Variants in ZNF783 observed in about 807,000 individuals in gnomAD.
ZNF783 encodes the protein protein ZNF783.
Under a neutral mutation model 31.3 loss-of-function variants are expected in ZNF783, and 25 were observed. The ratio of observed to expected loss-of-function variants is 0.80; its 90% CI spans 0.58 to 1.11. The LOEUF is 1.11. Among genes scored for constraint, ZNF783 ranks in the 50% most tolerant of loss-of-function variants. The pLI, the probability that ZNF783 is intolerant of heterozygous loss-of-function variation, is 0.00. For synonymous variants in ZNF783, 369 were observed against 319.1 expected, an observed-to-expected ratio of 1.16 and a Z score of -1.66; for missense variants, 797 against 760.0, an observed-to-expected ratio of 1.05 and a Z score of -0.57.
At chr7:149,273,039 T>C (rs1289173208) in intron 4 of ZNF783, among the ~76,000 whole-genome samples, 1 of 152,246 alleles carries the variant, frequency 6.6e-6, no homozygotes, top group Admixed American at 6.5e-5. Flanking sequence ...CTTAACATGA[T>C]GTCCTCCAGT....
intron 4 of ZNF783, among the ~76,000 whole-genome samples, chr7:149,268,403 A>G (rs1051091797): frequency 4.6e-5 from 7 of 152,196 alleles, no homozygotes; most frequent in Non-Finnish European, 7.3e-5. Context: ...CAATCCCCCC[A>G]GTCTTTTTCA....
At chr7:149,268,101 C>G (rs1797127369) in intron 4 of ZNF783, among the ~76,000 whole-genome samples, 1 of 152,152 alleles carries the variant, frequency 6.6e-6, no homozygotes, top group Non-Finnish European at 1.5e-5. Flanking sequence ...AGTAGAATAG[C>G]ACAGCGAATC....
At chr7:149,276,958 C>T (rs1000032478) in intron 4 of ZNF783, among the ~76,000 whole-genome samples, 2 of 152,084 alleles carry the variant, frequency 1.3e-5, no homozygotes, top group Admixed American at 6.6e-5. Flanking sequence ...ATGCCATTCT[C>T]CTGCCTCAGC....
intron 4 of ZNF783, among the ~76,000 whole-genome samples, chr7:149,276,851 A>G (rs1192991691): frequency 6.7e-6 from 1 of 148,724 alleles, no homozygotes; most frequent in East Asian, 2.0e-4. Flanking sequence ...GTGGTTATTT[A>G]TTTATTTTTT....
chr7:149,278,326 C>T, intron 4 of ZNF783, 73 bp from the exon 5 acceptor site: 3 of 1,582,660 alleles, frequency 1.9e-6, no homozygotes, highest in Admixed American at 1.7e-5. Flanking sequence ...TCTGCCTTTC[C>T]CCAGAGGGTC....
intron 4 of ZNF783, among the ~76,000 whole-genome samples, chr7:149,269,255 C>T (rs1198272161): frequency 2.0e-5 from 3 of 152,184 alleles, no homozygotes; most frequent in Admixed American, 1.3e-4. Flanking sequence ...TAAGAAATGT[C>T]TGTTCATGTC....
At chr7:149,273,874 A>G (rs1797265833) in intron 4 of ZNF783, among the ~76,000 whole-genome samples, 1 of 152,150 alleles carries the variant, frequency 6.6e-6, no homozygotes, top group Non-Finnish European at 1.5e-5. Flanking sequence ...ATATCTATTC[A>G]GATCTTTTGC....
At chr7:149,275,339 G>A (rs573845024) in intron 4 of ZNF783, among the ~76,000 whole-genome samples, 6 of 149,792 alleles carry the variant, frequency 4.0e-5, no homozygotes, top group African/African-American at 1.5e-4. Context: ...TTTAGACGGA[G>A]TTTCGCTCTG....
At chr7:149,279,267 G>A (rs1294498103) in intron 5 of ZNF783, among the ~76,000 whole-genome samples, 6 of 152,228 alleles carry the variant, frequency 3.9e-5, no homozygotes, top group Non-Finnish European at 5.9e-5. Flanking sequence ...TTGGAGAGAT[G>A]GGACCCTCTT....
chr7:149,278,250 T>C, intron 4 of ZNF783, 149 bp from the exon 5 acceptor site: 1 of 1,431,796 alleles, frequency 7.0e-7, no homozygotes, highest in South Asian at 1.5e-5. Context: ...AGCTGCCAGG[T>C]ATTTGGTGGG....
In ZNF783 at chr7:149,267,163, G is replaced by A. The variant is rs115295014; in HGVS notation, c.614G>A (p.Arg205Gln). The part of the protein sequence containing the change: ...IERGEEPCLD[R>Q]WGQEKGNEVE... ...AGGGGAGAGGAGCCTTGTCTTGACC[G>A]GTGGGGCCAGGAGAAGGGGAATGAA... The change falls in exon 4 of 6, where the codon CGG (arginine) becomes CAG (glutamine). Residue 205 changes from arginine (R) to glutamine (Q), a missense_variant. By Grantham distance (43) the Arg-to-Gln change is conservative. Coordinates refer to ENST00000434415, the MANE Select transcript of ZNF783 (RefSeq NM_001195220.2). The A allele has an allele frequency of 6.7e-4, 1,071 of 1,599,380 alleles. 8 individuals carry two copies. In the African/African-American group the frequency reaches 0.013, roughly 19 times the overall value.
Position 149,262,247 on chromosome 7 carries a change from G to A in ZNF783, c.-87G>A, listed in dbSNP as rs1057246017. On this transcript the variant is annotated 5_prime_UTR_variant, in exon 1 of 6. Coordinates refer to ENST00000434415, the MANE Select transcript of ZNF783 (RefSeq NM_001195220.2). ...GTAGCTCTCAGGTTAGGCGGGTCCC[G>A]CTCCGCTTCCGCCGTCGCTGCCGCG... 9.7e-6 allele frequency: 12 copies of A among 1,237,728 alleles called. No individual in the cohort carries two copies. In the East Asian group the frequency reaches 2.1e-4, roughly 21 times the overall value. 76.7% of individuals were successfully genotyped at this position (1,237,728 alleles called of 1,614,324 possible).
intron 1 of ZNF783, among the ~76,000 whole-genome samples, chr7:149,264,505 T>C (rs999086669): frequency 1.3e-5 from 2 of 152,148 alleles, no homozygotes; most frequent in South Asian, 2.1e-4. Context: ...CTAGATCTTA[T>C]GCCAGGTACA....
chr7:149,278,170 G>A (rs1797377048), intron 4 of ZNF783: 1 of 1,318,814 alleles, frequency 7.6e-7, no homozygotes, highest in South Asian at 1.7e-5. Flanking sequence ...TCATTACCGT[G>A]ATTTCCTGTC....
At chr7:149,267,308 G>A in intron 4 of ZNF783, 86 bp downstream of exon 4, 1 of 1,495,428 alleles carries the variant, frequency 6.7e-7, no homozygotes, top group Non-Finnish European at 8.8e-7. Context: ...CAGACAATCA[G>A]GGAGGGCAGG....
At chr7:149,281,442 C>A in intron 5 of ZNF783, 63 bp from the exon 6 acceptor site, 2 of 1,378,676 alleles carry the variant, frequency 1.5e-6, no homozygotes, top group Non-Finnish European at 9.4e-7. Context: ...AGGACTGGGC[C>A]GAGTGACCTG....
At position 149,283,540 on chromosome 7, in the gene ZNF783, G is replaced by C. The variant is rs935201857; in HGVS notation, c.*1197G>C. 2 of 152,184 alleles carry C rather than the reference G, an allele frequency of 1.3e-5. No individual in the cohort carries two copies. The highest frequency in any genetic ancestry group is 2.9e-5 in the Non-Finnish European group (2 of 68,042). The allele number at this position is 152,184 out of a possible 1,614,324, so 9.4% of individuals were successfully genotyped here. A position where few individuals can be genotyped will look rare whatever the true frequency, so the allele number is the denominator to read the frequency against. The stretch of plus-strand genomic sequence containing the variant: ...GAGGGGCAGTGCAGAGAGAGCCCAG[G>C]AAGCCCCTCCACTAGAGGAGGCCCT... On this transcript the variant is annotated 3_prime_UTR_variant, in exon 6 of 6. Transcript: ENST00000434415.
intron 4 of ZNF783, among the ~76,000 whole-genome samples, chr7:149,268,613 T>G (rs536535758): frequency 6.6e-6 from 1 of 152,356 alleles, no homozygotes; most frequent in African/African-American, 2.4e-5. Context: ...CCCTTCCCCC[T>G]GTAGTAGTCC....
At chr7:149,273,637 G>A (rs1425451307) in intron 4 of ZNF783, among the ~76,000 whole-genome samples, 2 of 151,826 alleles carry the variant, frequency 1.3e-5, no homozygotes, top group Non-Finnish European at 2.9e-5. Context: ...CCGATTTCCT[G>A]GGTTCAAGCC....
Sources: allele counts gnomAD v4.1 joint callset (sites outside exome capture counted in the v4.1 genomes callset), GRCh38; gene constraint gnomAD v4.1.1; transcripts MANE v1.5; gene names NCBI Gene and HGNC (gene_info 2026-07-23, HGNC 2026-07-21).